The following DPYD variants were observed in gnomAD, a reference collection of about 807,000 sequenced individuals.
DPYD encodes the protein dihydropyrimidine dehydrogenase [NADP(+)].
Under a neutral mutation model 116.2 loss-of-function variants are expected in DPYD, and 109 were observed. That is an observed-to-expected ratio of 0.94 (90% CI 0.80 to 1.10). The LOEUF (loss-of-function observed/expected upper bound fraction) is 1.10, where lower values mean the gene tolerates loss of function less well. Ranked by LOEUF, DPYD falls within the 50% of genes least tolerant of loss-of-function variation. DPYD has a pLI of 0.00. For synonymous variants in DPYD, 440 were observed against 432.0 expected (o/e 1.02, Z -0.23); for missense variants, 1,302 against 1,254.5 (o/e 1.04, Z -0.57).
chr1:97,433,228 GA>G (rs778132709), intron 14 of DPYD, among the ~76,000 whole-genome samples: 5 of 152,086 alleles, frequency 3.3e-5, no homozygotes, highest in East Asian at 3.9e-4. Flanking sequence ...CCTTAGGGGG[GA>G]TATCTCTCAG....
intron 18 of DPYD, among the ~76,000 whole-genome samples, chr1:97,294,359 C>G (rs1666392110): frequency 6.6e-6 from 1 of 151,670 alleles, no homozygotes; most frequent in Non-Finnish European, 1.5e-5. Flanking sequence ...GTGTGAGCTC[C>G]TTTTTCACTT....
At chr1:97,497,812 G>T (rs975026404) in intron 13 of DPYD, among the ~76,000 whole-genome samples, 2 of 151,668 alleles carry the variant, frequency 1.3e-5, no homozygotes, top group Non-Finnish European at 3.0e-5. Context: ...ATATTACCCA[G>T]AAACTCCACT....
At chr1:97,492,744 C>T (rs944916770) in intron 13 of DPYD, among the ~76,000 whole-genome samples, 29 of 152,018 alleles carry the variant, frequency 1.9e-4, no homozygotes, top group African/African-American at 6.5e-4. Flanking sequence ...ATCCAATCAT[C>T]CAGAGTCTAA....
rs1033790087 is a variant in DPYD at position 97,572,402 on chromosome 1, T to C, written c.1339+1358A>G. On this transcript the variant is annotated intron_variant, in intron 11 of 22. Coordinates refer to ENST00000370192, the MANE Select transcript of DPYD (RefSeq NM_000110.4). ...GTTTTCTGAGCCAAATCTGTTCAGG[T>C]TTGTTTAGGAAAATATAATTATTAT... Among the ~76,000 whole-genome samples the C allele has an allele frequency of 2.6e-5, 4 of 151,900 alleles. No individual in the cohort carries two copies. The South Asian group carries it at 6.2e-4, about 24-fold the overall frequency.
chr1:97,883,439 T>C (rs1263138413), intron 1 of DPYD, 65 bp from the exon 2 acceptor site: 1 of 1,178,916 alleles, frequency 8.5e-7, no homozygotes. Context: ...AAACTTATTT[T>C]TATTTTATTT....
chr1:97,654,512 A>G (rs957142146), intron 8 of DPYD, among the ~76,000 whole-genome samples: 42 of 152,212 alleles, frequency 2.8e-4, no homozygotes, highest in African/African-American at 9.1e-4. Flanking sequence ...AAAGTAATAT[A>G]TATTTCCATA....
intron 14 of DPYD, among the ~76,000 whole-genome samples, chr1:97,397,529 C>T (rs1241741443): frequency 6.6e-6 from 1 of 152,010 alleles, no homozygotes; most frequent in African/African-American, 2.4e-5. Flanking sequence ...TTCTTCCTCA[C>T]CCCACCCAAC....
At chr1:97,132,539 A>G (rs1653418767) in intron 20 of DPYD, among the ~76,000 whole-genome samples, 1 of 152,104 alleles carries the variant, frequency 6.6e-6, no homozygotes, top group Non-Finnish European at 1.5e-5. Context: ...AGAACATTTG[A>G]CAAATGGAGA....
At chr1:97,526,179 T>C (rs1649074883) in intron 12 of DPYD, among the ~76,000 whole-genome samples, 1 of 152,144 alleles carries the variant, frequency 6.6e-6, no homozygotes, top group Non-Finnish European at 1.5e-5. Flanking sequence ...CAGATACTTA[T>C]CATGAGTTAC....
intron 5 of DPYD, chr1:97,700,229 C>A (rs1257328327): frequency 4.4e-6 from 2 of 455,852 alleles, no homozygotes; most frequent in South Asian, 3.1e-5. Context: ...AGAACCACAG[C>A]TCAGAAAAGA....
At chr1:97,743,461 T>C (rs1664376746) in intron 3 of DPYD, among the ~76,000 whole-genome samples, 2 of 152,130 alleles carry the variant, frequency 1.3e-5, no homozygotes, top group Admixed American at 1.3e-4. Flanking sequence ...ACTGGTGAGA[T>C]GTTTTATTAA....
At chr1:97,814,656 TG>T (rs1668490532) in intron 3 of DPYD, among the ~76,000 whole-genome samples, 1 of 152,046 alleles carries the variant, frequency 6.6e-6, no homozygotes, top group Non-Finnish European at 1.5e-5. Flanking sequence ...TAGAAAGACT[TG>T]TGGATGAATT....
intron 1 of DPYD, among the ~76,000 whole-genome samples, chr1:97,909,550 C>A (rs1319145470): frequency 6.6e-6 from 1 of 152,046 alleles, no homozygotes; most frequent in Non-Finnish European, 1.5e-5. Context: ...AGGCTTCTTT[C>A]CCCAATGGCT....
intron 2 of DPYD, among the ~76,000 whole-genome samples, chr1:97,875,430 T>A (rs1312530122): frequency 6.6e-6 from 1 of 151,994 alleles, no homozygotes; most frequent in East Asian, 1.9e-4. Flanking sequence ...AAGAGAGGCA[T>A]AATTGAGATT....
chr1:97,507,496 T>C (rs991115314), intron 13 of DPYD, among the ~76,000 whole-genome samples: 1 of 152,042 alleles, frequency 6.6e-6, no homozygotes, highest in African/African-American at 2.4e-5. Flanking sequence ...CTCTTAATAA[T>C]AAATAAGTAA....
chr1:97,131,698 A>G (rs1299420590), intron 20 of DPYD, among the ~76,000 whole-genome samples: 1 of 152,132 alleles, frequency 6.6e-6, no homozygotes, highest in Admixed American at 6.5e-5. Context: ...CTCAATACAG[A>G]GGTGAAATCA....
intron 2 of DPYD, 89 bp from the exon 3 acceptor site, chr1:97,828,285 T>C (rs1386241538): frequency 5.8e-6 from 7 of 1,215,314 alleles, no homozygotes; most frequent in South Asian, 5.1e-5. Flanking sequence ...ATTGATTATA[T>C]TGATCATGGA....
At chr1:97,825,826 C>A (rs1669211233) in intron 3 of DPYD, among the ~76,000 whole-genome samples, 1 of 151,852 alleles carries the variant, frequency 6.6e-6, no homozygotes, top group South Asian at 2.1e-4. Flanking sequence ...CTATGCCAGG[C>A]CAATGGACTA....
intron 16 of DPYD, among the ~76,000 whole-genome samples, chr1:97,338,967 A>G (rs1254356796): frequency 6.6e-6 from 1 of 152,188 alleles, no homozygotes; most frequent in Non-Finnish European, 1.5e-5. Flanking sequence ...GTTAGTTTCA[A>G]TGTAATGAGT....
Sources: allele counts gnomAD v4.1 joint callset (sites outside exome capture counted in the v4.1 genomes callset), GRCh38; gene constraint gnomAD v4.1.1; transcripts MANE v1.5; gene names NCBI Gene and HGNC (gene_info 2026-07-23, HGNC 2026-07-21).